Variants in ANKRD44 observed in about 807,000 individuals in gnomAD.
ANKRD44 encodes ankyrin repeat domain 44, also known as serine/threonine-protein phosphatase 6 regulatory ankyrin repeat subunit B.
A neutral mutation model predicts 116.0 loss-of-function variants in ANKRD44; 35 were observed. The observed-to-expected ratio is 0.30, with a 90% CI of 0.23 to 0.40. ANKRD44 has a LOEUF of 0.40. ANKRD44 is among the 10% of genes least tolerant of loss of function. The pLI is 1.00. For synonymous variants in ANKRD44, 435 were observed against 461.8 expected (o/e 0.94, Z 0.74); for missense variants, 1,014 against 1,242.6 (o/e 0.82, Z 2.77).
At chr2:197,287,641 T>G (rs2083442365) in intron 1 of ANKRD44, among the ~76,000 whole-genome samples, 1 of 152,194 alleles carries the variant, frequency 6.6e-6, no homozygotes, top group Non-Finnish European at 1.5e-5. Context: ...ACCCTGTTTT[T>G]TGTAAAGTAA....
At chr2:197,136,711 C>G in intron 3 of ANKRD44, 49 bp from the exon 4 acceptor site, 1 of 1,536,646 alleles carries the variant, frequency 6.5e-7, no homozygotes. Flanking sequence ...CAAGGGAAGC[C>G]CTGCCGACGT....
chr2:197,000,321 T>TTCTTTCAA, intron 23 of ANKRD44, 98 bp downstream of exon 23: 1 of 906,742 alleles, frequency 1.1e-6, no homozygotes, highest in Non-Finnish European at 1.7e-6. Context: ...TTATCCATTA[T>TTCTTTCAA]TCTTTCAATT....
chr2:197,145,813 T>C (rs1225047718), intron 3 of ANKRD44, among the ~76,000 whole-genome samples: 1 of 152,214 alleles, frequency 6.6e-6, no homozygotes, highest in Non-Finnish European at 1.5e-5. Context: ...TACTTTAAGA[T>C]GCTACAGTTC....
intron 16 of ANKRD44, among the ~76,000 whole-genome samples, chr2:197,038,530 G>A (rs1345160757): frequency 6.6e-6 from 1 of 152,130 alleles, no homozygotes; most frequent in Non-Finnish European, 1.5e-5. Context: ...TGACCCTTGG[G>A]TTGTCTACAT....
intron 12 of ANKRD44, among the ~76,000 whole-genome samples, chr2:197,088,478 GAGAA>G (rs934349264): frequency 6.6e-6 from 1 of 151,592 alleles, no homozygotes; most frequent in Non-Finnish European, 1.5e-5. Flanking sequence ...AAAAAGAAAA[GAGAA>G]AGAAGAAAAC....
chr2:197,128,601 G>A (rs2079030270), intron 4 of ANKRD44, among the ~76,000 whole-genome samples: 1 of 152,182 alleles, frequency 6.6e-6, no homozygotes, highest in Non-Finnish European at 1.5e-5. Flanking sequence ...TGTTCACTCT[G>A]ATGATAGTTT....
At chr2:197,130,708 G>C (rs2079075495) in intron 4 of ANKRD44, among the ~76,000 whole-genome samples, 1 of 152,140 alleles carries the variant, frequency 6.6e-6, no homozygotes, top group Non-Finnish European at 1.5e-5. Flanking sequence ...ATAATTTAAA[G>C]AAAACAATAA....
intron 21 of ANKRD44, among the ~76,000 whole-genome samples, chr2:197,003,388 A>T (rs1470917008): frequency 1.3e-5 from 2 of 152,182 alleles, no homozygotes; most frequent in Non-Finnish European, 2.9e-5. Context: ...TCATTGAAAT[A>T]GTCCCAGACA....
In ANKRD44 at chr2:197,222,787, GATTT is replaced by G. The variant is rs199636167; in HGVS notation, c.28-35685_28-35682del. ...ACTACAACAGAGTTTCAAGGTAGTT[GATTT>G]ATTTATTTTATTTATTTTTTATTTA... On this transcript the variant is annotated intron_variant, in intron 1 of 27. Transcript: ENST00000282272. Among the ~76,000 whole-genome samples the G allele has an allele frequency of 7.9e-5, 12 of 151,304 alleles. No individual in the cohort carries two copies. The East Asian group carries it at 2.3e-3, about 29-fold the overall frequency.
intron 17 of ANKRD44, among the ~76,000 whole-genome samples, chr2:197,019,491 T>C (rs963554652): frequency 1.3e-5 from 2 of 152,262 alleles, no homozygotes; most frequent in East Asian, 3.9e-4. Flanking sequence ...GTTATTCCCA[T>C]TTTGCCCAGG....
intron 1 of ANKRD44, among the ~76,000 whole-genome samples, chr2:197,191,113 T>C (rs2080811587): frequency 6.6e-6 from 1 of 152,220 alleles, no homozygotes; most frequent in Admixed American, 6.5e-5. Flanking sequence ...GCTAGAATTT[T>C]CTTAGCATGC....
intron 16 of ANKRD44, among the ~76,000 whole-genome samples, chr2:197,066,038 C>G (rs753103649): frequency 1.3e-5 from 2 of 152,178 alleles, no homozygotes; most frequent in African/African-American, 4.8e-5. Flanking sequence ...TAAAAATCCT[C>G]AATAAAACAC....
chr2:196,985,819 T>A (rs1361212163), downstream of ANKRD44, among the ~76,000 whole-genome samples: 1 of 152,186 alleles, frequency 6.6e-6, no homozygotes, highest in Non-Finnish European at 1.5e-5. Flanking sequence ...CCAGAGACTG[T>A]CCCTGAAGTT....
chr2:197,122,758 A>G lies in ANKRD44; in HGVS notation c.585T>C (p.His195=), dbSNP rs2078886061. ...HLDVVALLIN[H]GAEVTCKDKK... ...TATCCTTACAGGTCACTTCTGCGCC[A>G]TGGTTAATGAGCAATGCTACAACAT... Residue 195 remains histidine (H), a synonymous_variant, in exon 7 of 28, where the codon CAT becomes CAC. Transcript: ENST00000282272. 6.2e-7 allele frequency: 1 copy of G among 1,614,150 alleles called. No individual in the cohort carries two copies. Among genetic ancestry groups the G allele is most frequent in the African/African-American group, 1.3e-5 (1 of 75,074 alleles).
chr2:197,015,285 G>T, intron 17 of ANKRD44: 1 of 387,168 alleles, frequency 2.6e-6, no homozygotes, highest in Non-Finnish European at 4.9e-6. Context: ...TGGTATTAAA[G>T]AAGATATAGA....
chr2:197,069,754 T>C (rs2077519939), intron 16 of ANKRD44, among the ~76,000 whole-genome samples: 1 of 152,180 alleles, frequency 6.6e-6, no homozygotes, highest in African/African-American at 2.4e-5. Flanking sequence ...TGCTATTCCA[T>C]ATAAATTTTA....
intron 1 of ANKRD44, among the ~76,000 whole-genome samples, chr2:197,237,830 G>T (rs1024779049): frequency 1.3e-5 from 2 of 152,234 alleles, no homozygotes; most frequent in African/African-American, 4.8e-5. Flanking sequence ...TGACAAGTCA[G>T]CTTGGTTATT....
intron 1 of ANKRD44, among the ~76,000 whole-genome samples, chr2:197,258,354 C>T (rs886521610): frequency 4.1e-5 from 6 of 146,236 alleles, no homozygotes; most frequent in African/African-American, 1.3e-4. Context: ...AACTCCTGAC[C>T]TCAAGTGATC....
intron 2 of ANKRD44, among the ~76,000 whole-genome samples, chr2:197,171,312 G>A (rs1186139768): frequency 6.6e-6 from 1 of 152,166 alleles, no homozygotes; most frequent in African/African-American, 2.4e-5. Context: ...CACAGACCCT[G>A]ACATAAACTT....
Sources: allele counts gnomAD v4.1 joint callset (sites outside exome capture counted in the v4.1 genomes callset), GRCh38; gene constraint gnomAD v4.1.1; transcripts MANE v1.5; gene names NCBI Gene and HGNC (gene_info 2026-07-23, HGNC 2026-07-21).